The following PLEKHM3 variants were observed in gnomAD, a reference collection of about 807,000 sequenced individuals.
PLEKHM3 encodes pleckstrin homology domain containing M3.
A neutral mutation model predicts 81.8 loss-of-function variants in PLEKHM3; 45 were observed. The observed-to-expected ratio is 0.55, with a 90% confidence interval of 0.43 to 0.71. The LOEUF is 0.71. Among genes scored for constraint, PLEKHM3 ranks in the 30% least tolerant of loss-of-function variants. The pLI, the probability that PLEKHM3 is intolerant of heterozygous loss-of-function variation, is 0.00. For synonymous variants in PLEKHM3, 352 were observed against 356.4 expected (o/e 0.99, Z 0.14); for missense variants, 788 against 924.3 (o/e 0.85, Z 1.91).
At chr2:207,834,943 G>GTT (rs1206255117) in intron 7 of PLEKHM3, among the ~76,000 whole-genome samples, 11 of 140,126 alleles carry the variant, frequency 7.9e-5, no homozygotes, top group Non-Finnish European at 1.1e-4. Flanking sequence ...TCAACAACTT[G>GTT]TTTTTTTTTT....
intron 5 of PLEKHM3, among the ~76,000 whole-genome samples, chr2:207,914,681 CAA>C (rs34724181): frequency 0.34 from 38,464 of 112,524 alleles, 5,391 homozygotes; most frequent in Middle Eastern, 0.45. Context: ...GACCCTGTGT[CAA>C]AAAAAAAAAA....
intron 6 of PLEKHM3, among the ~76,000 whole-genome samples, chr2:207,903,733 T>C (rs146157144): frequency 1.3e-5 from 2 of 152,332 alleles, no homozygotes; most frequent in East Asian, 1.9e-4. Context: ...TGTATTCTAC[T>C]GGTAAAATCT....
chr2:207,897,157 C>T (rs1688252937), intron 6 of PLEKHM3, among the ~76,000 whole-genome samples: 1 of 152,156 alleles, frequency 6.6e-6, no homozygotes, highest in Non-Finnish European at 1.5e-5. Context: ...ATTCTGCATT[C>T]CCTACCAAGG....
rs761380690 is a variant in PLEKHM3, at chr2:207,977,436, T to C, written c.761A>G (p.Tyr254Cys). 1.9e-6 allele frequency: 3 copies of C among 1,614,196 alleles called. No homozygotes were observed. The South Asian group carries it at 3.3e-5, about 18-fold the overall frequency. ...GAAGTGTGAAAGCTGGTACGTGGCATAAAGGTTTTGATTCCCACTGCTGTC... is the reference window on the plus strand; with the variant it reads ...GAAGTGTGAAAGCTGGTACGTGGCACAAAGGTTTTGATTCCCACTGCTGTC... ...SLDSSGNQNL[Y>C]ATYQLSHFQS... Residue 254 changes from tyrosine to cysteine, a missense_variant, in exon 3 of 8, where the codon TAT (tyrosine) becomes TGT (cysteine). By Grantham distance (194) the Tyr-to-Cys change is radical. Transcript: ENST00000427836.
At chr2:207,862,139 T>C (rs548618110) in intron 6 of PLEKHM3, among the ~76,000 whole-genome samples, 2 of 152,298 alleles carry the variant, frequency 1.3e-5, no homozygotes, top group East Asian at 3.9e-4. Flanking sequence ...CTAATACCCA[T>C]GGGCTTCAAA....
intron 6 of PLEKHM3, among the ~76,000 whole-genome samples, chr2:207,886,248 C>T (rs73983625): frequency 0.023 from 3,448 of 152,078 alleles, 126 homozygotes; most frequent in African/African-American, 0.079. Context: ...CCCAAGCCCA[C>T]GGAGGGAAAT....
In PLEKHM3 at chr2:207,906,285, ATTTT is replaced by A. The variant is rs1455074587; in HGVS notation, c.1950+2225_1950+2228del. 8.8e-4 allele frequency among the ~76,000 whole-genome samples: 134 copies of A among 152,356 alleles called. 1 individual carries two copies. The highest frequency in any genetic ancestry group is 2.9e-3 in the African/African-American group (119 of 41,584). On this transcript the variant is annotated intron_variant, in intron 6 of 7. Coordinates refer to ENST00000427836, the MANE Select transcript of PLEKHM3 (RefSeq NM_001080475.3). ...AACCAATTCCTCCCCTTGAACAACA[ATTTT>A]AAGTAAAAATATACCCCTTTCCACC...
chr2:207,832,263 G>C (rs1019884098), intron 7 of PLEKHM3, among the ~76,000 whole-genome samples: 1 of 152,130 alleles, frequency 6.6e-6, no homozygotes, highest in African/African-American at 2.4e-5. Context: ...TGGATAGATT[G>C]ATCAATGACT....
At chr2:207,899,372 T>C (rs1439696860) in intron 6 of PLEKHM3, among the ~76,000 whole-genome samples, 2 of 152,220 alleles carry the variant, frequency 1.3e-5, no homozygotes, top group Non-Finnish European at 2.9e-5. Flanking sequence ...CAGCTTTGAC[T>C]ACAAGTTCCT....
intron 3 of PLEKHM3, among the ~76,000 whole-genome samples, chr2:207,954,004 T>C (rs1690423856): frequency 6.6e-6 from 1 of 152,098 alleles, no homozygotes; most frequent in African/African-American, 2.4e-5. Flanking sequence ...TAACTCCTCC[T>C]AGACACACTG....
chr2:207,957,397 A>T (rs1690551066), intron 3 of PLEKHM3, among the ~76,000 whole-genome samples: 1 of 152,216 alleles, frequency 6.6e-6, no homozygotes, highest in African/African-American at 2.4e-5. Flanking sequence ...GAGGTCTTAG[A>T]TTATAAAACA....
intron 6 of PLEKHM3, among the ~76,000 whole-genome samples, chr2:207,875,137 CA>C (rs1005767376): frequency 2.5e-4 from 38 of 150,392 alleles, no homozygotes; most frequent in African/African-American, 8.5e-4. Flanking sequence ...ATGACAGAAA[CA>C]AAAAAAAATT....
chr2:207,965,134 GA>G (rs1168648109), intron 3 of PLEKHM3, among the ~76,000 whole-genome samples: 2 of 152,156 alleles, frequency 1.3e-5, no homozygotes, highest in Non-Finnish European at 2.9e-5. Context: ...AACTTAGCTA[GA>G]AATTAAGGAG....
At chr2:207,828,801 T>C (rs2092267854) in intron 7 of PLEKHM3, among the ~76,000 whole-genome samples, 1 of 152,022 alleles carries the variant, frequency 6.6e-6, no homozygotes, top group Non-Finnish European at 1.5e-5. Context: ...AGCTCTCCAT[T>C]GAGAAGGGAA....
intron 5 of PLEKHM3, among the ~76,000 whole-genome samples, chr2:207,928,296 A>C (rs1689473917): frequency 6.6e-6 from 1 of 152,258 alleles, no homozygotes; most frequent in East Asian, 1.9e-4. Flanking sequence ...GTATAAGCAG[A>C]AACTACAGGC....
chr2:207,936,840 T>C (rs1376386855), intron 4 of PLEKHM3, among the ~76,000 whole-genome samples: 1 of 142,386 alleles, frequency 7.0e-6, no homozygotes, highest in East Asian at 2.0e-4. Context: ...ACTGGTTAGA[T>C]AAATTAGTGT....
chr2:207,886,772 T>C (rs1267939236), intron 6 of PLEKHM3, among the ~76,000 whole-genome samples: 1 of 152,210 alleles, frequency 6.6e-6, no homozygotes, highest in African/African-American at 2.4e-5. Flanking sequence ...TTAAGCCACA[T>C]CTATGTAACT....
At chr2:207,854,351 C>T (rs770340644) in intron 7 of PLEKHM3, among the ~76,000 whole-genome samples, 1 of 152,176 alleles carries the variant, frequency 6.6e-6, no homozygotes, top group Non-Finnish European at 1.5e-5. Flanking sequence ...TTTCTTTCAT[C>T]TGTATCATCC....
chr2:207,855,064 A>G (rs542483644), intron 7 of PLEKHM3, among the ~76,000 whole-genome samples: 1 of 152,346 alleles, frequency 6.6e-6, no homozygotes, highest in African/African-American at 2.4e-5. Flanking sequence ...TGCAAAACCC[A>G]GTGCCTAGAT....
Sources: gnomAD v4.1 joint callset for allele counts (sites outside exome capture counted in the v4.1 genomes callset) on GRCh38, gnomAD v4.1.1 for gene constraint, MANE v1.5 for transcripts, NCBI Gene and HGNC (gene_info 2026-07-23, HGNC 2026-07-21) for gene names.